The following CDH13 variants were observed in gnomAD, a reference collection of about 807,000 sequenced individuals.
The protein encoded by CDH13 is cadherin-13.
CDH13 carries 24 observed loss-of-function variants against 63.8 expected under a neutral mutation model. That is an observed-to-expected ratio of 0.38 (90% CI 0.27 to 0.53). The LOEUF (loss-of-function observed/expected upper bound fraction) is 0.53. Among genes scored for constraint, CDH13 ranks in the 20% least tolerant of loss-of-function variants. The pLI is 0.85. For missense variants in CDH13, 1,049 were observed against 903.1 expected, an observed-to-expected ratio of 1.16 and a Z score of -2.07; for synonymous variants, 503 against 355.3, an observed-to-expected ratio of 1.42 and a Z score of -4.67.
At chr16:82,884,404 G>T (rs1176147472) in intron 2 of CDH13, 3 of 338,472 alleles carry the variant, frequency 8.9e-6, no homozygotes, top group African/African-American at 2.1e-5. Context: ...GACTCCTTCT[G>T]TTGTCTGTTG....
rs549889422 is a variant in CDH13, at chr16:82,922,937, C to G, written c.157+64464C>G. 2.6e-5 allele frequency among the ~76,000 whole-genome samples: 4 copies of G among 152,072 alleles called. No individual in the cohort carries two copies. In the East Asian group the frequency reaches 5.8e-4, roughly 22 times the overall value. On this transcript the variant is annotated intron_variant, in intron 2 of 13. Transcript: ENST00000567109. ...CAATCAAGGAAATATTGCAATAAAG[C>G]AAGTCACACATATTTTTTGTATCCC...
chr16:82,848,991 A>T (rs2039375454), intron 1 of CDH13, among the ~76,000 whole-genome samples: 1 of 152,220 alleles, frequency 6.6e-6, no homozygotes, highest in Non-Finnish European at 1.5e-5. Context: ...AGAAAGTAAG[A>T]CAGCCTTATT....
intron 5 of CDH13, among the ~76,000 whole-genome samples, chr16:83,292,981 A>AT (rs1425650179): frequency 6.6e-6 from 1 of 152,228 alleles, no homozygotes; most frequent in Non-Finnish European, 1.5e-5. Context: ...AAATGACTAA[A>AT]TTTGTAATTA....
intron 5 of CDH13, among the ~76,000 whole-genome samples, chr16:83,301,030 T>TTTTTTTTG (rs2089724979): frequency 8.2e-6 from 1 of 122,156 alleles, no homozygotes; most frequent in Non-Finnish European, 1.7e-5. Context: ...CTGGGGTTTT[T>TTTTTTTTG]TTTTTTTTTT....
chr16:83,340,576 AG>A (rs1424428126), intron 5 of CDH13, among the ~76,000 whole-genome samples: 10 of 152,202 alleles, frequency 6.6e-5, no homozygotes, highest in Non-Finnish European at 1.2e-4. Context: ...TCACTCAAAC[AG>A]TAATGTGCAC....
chr16:82,808,211 A>AT (rs1304677925), intron 1 of CDH13, among the ~76,000 whole-genome samples: 8 of 152,058 alleles, frequency 5.3e-5, no homozygotes, highest in Admixed American at 2.6e-4. Context: ...GCTCTTCCTA[A>AT]TTTTTTTTAG....
chr16:83,712,007 C>G (rs527631788), intron 10 of CDH13, among the ~76,000 whole-genome samples: 33 of 152,308 alleles, frequency 2.2e-4, no homozygotes, highest in African/African-American at 7.9e-4. Context: ...TTGTAGATGG[C>G]TGTCTTCTCC....
At chr16:83,694,954 C>G (rs1905234424) in intron 10 of CDH13, among the ~76,000 whole-genome samples, 1 of 152,130 alleles carries the variant, frequency 6.6e-6, no homozygotes, top group African/African-American at 2.4e-5. Context: ...CGCCTATAAT[C>G]CCAGCATTTA....
intron 1 of CDH13, chr16:82,727,502 C>G (rs184061844): frequency 5.9e-5 from 9 of 152,116 alleles, no homozygotes; most frequent in African/African-American, 1.9e-4. Context: ...ATTGTGATTT[C>G]GAGATGCATT....
intron 7 of CDH13, among the ~76,000 whole-genome samples, chr16:83,516,144 A>G (rs1437274759): frequency 1.3e-5 from 2 of 152,246 alleles, no homozygotes; most frequent in Non-Finnish European, 2.9e-5. Context: ...GTCCTCAGAT[A>G]GCTCATGGCA....
At chr16:82,919,271 T>G (rs969645337) in intron 2 of CDH13, among the ~76,000 whole-genome samples, 2 of 152,360 alleles carry the variant, frequency 1.3e-5, no homozygotes, top group Non-Finnish European at 2.9e-5. Context: ...TAAACTCATG[T>G]CATAGAGATT....
intron 13 of CDH13, among the ~76,000 whole-genome samples, chr16:83,793,864 A>G (rs1383279334): frequency 6.6e-6 from 1 of 151,942 alleles, no homozygotes; most frequent in Non-Finnish European, 1.5e-5. Flanking sequence ...GGATTTTGAG[A>G]TGGGGAGAGT....
intron 1 of CDH13, among the ~76,000 whole-genome samples, chr16:82,784,020 C>T (rs765794517): frequency 5.9e-5 from 9 of 152,114 alleles, no homozygotes; most frequent in Non-Finnish European, 8.8e-5. Flanking sequence ...GTGTGTGTGG[C>T]TGGGCAATTA....
chr16:83,602,384 C>G (rs1907932349), intron 7 of CDH13, 70 bp from the exon 8 acceptor site: 3 of 1,524,230 alleles, frequency 2.0e-6, no homozygotes, highest in African/African-American at 1.4e-5. Context: ...CAGCAACACG[C>G]CTGCCACCTT....
intron 5 of CDH13, among the ~76,000 whole-genome samples, chr16:83,337,582 T>A (rs1277569948): frequency 6.6e-6 from 1 of 151,582 alleles, no homozygotes; most frequent in Non-Finnish European, 1.5e-5. Context: ...CTCACCATAT[T>A]ATTCACTGTT....
At chr16:83,018,717 T>G (rs1443938058) in intron 2 of CDH13, among the ~76,000 whole-genome samples, 1 of 152,230 alleles carries the variant, frequency 6.6e-6, no homozygotes, top group Non-Finnish European at 1.5e-5. Flanking sequence ...CTAGAGGGTA[T>G]AGCCTATTAC....
At position 83,798,138 on chromosome 16, in the gene CDH13, T is replaced by C. The variant is rs1256821346; in HGVS notation, c.*3108T>C. ...CTCATTCCAGAGTTTCAGAATGTCA[T>C]TTAAAACAGTCTGATAAATGGAACA... On this transcript the variant is annotated 3_prime_UTR_variant, in exon 14 of 14. Coordinates refer to ENST00000567109, the MANE Select transcript of CDH13 (RefSeq NM_001257.5). 6.6e-6 allele frequency: 1 copy of C among 152,246 alleles called. No individual in the cohort carries two copies. The highest frequency in any genetic ancestry group is 1.5e-5 in the Non-Finnish European group (1 of 68,052). The allele number at this position is 152,246 out of a possible 1,614,324, so 9.4% of individuals were successfully genotyped here. A position where few individuals can be genotyped will look rare whatever the true frequency, so the allele number is the denominator to read the frequency against.
At chr16:82,947,866 T>C (rs1229628940) in intron 2 of CDH13, among the ~76,000 whole-genome samples, 1 of 152,130 alleles carries the variant, frequency 6.6e-6, no homozygotes, top group Admixed American at 6.6e-5. Flanking sequence ...CAAGAATGAG[T>C]GTCACAGGGA....
rs78497414 is a variant in CDH13 at position 83,767,375 on chromosome 16, A to G, written c.1682-12593A>G. On this transcript the variant is annotated intron_variant, in intron 11 of 13. Coordinates refer to ENST00000567109, the MANE Select transcript of CDH13 (RefSeq NM_001257.5). Reference sequence around the variant, plus strand: ...GCGAATAAGTCTCAAGAGATCTGATAGTTATATAAACGGGAGTTCTCCTGC... The same window carrying G: ...GCGAATAAGTCTCAAGAGATCTGATGGTTATATAAACGGGAGTTCTCCTGC... Among the ~76,000 whole-genome samples, 1,140 of 152,272 alleles carry G rather than the reference A, an allele frequency of 7.5e-3. 12 individuals carry two copies. The highest frequency in any genetic ancestry group is 0.026 in the African/African-American group (1,097 of 41,556).
Sources: allele counts gnomAD v4.1 joint callset (sites outside exome capture counted in the v4.1 genomes callset), GRCh38; gene constraint gnomAD v4.1.1; transcripts MANE v1.5; gene names NCBI Gene and HGNC (gene_info 2026-07-23, HGNC 2026-07-21).